Variants in NBAS observed in about 807,000 individuals in gnomAD.
The protein encoded by NBAS is NBAS subunit of NRZ tethering complex, also known as NAG/BC035112 fusion.
NBAS carries 219 observed loss-of-function variants against 302.5 expected under a neutral mutation model. The ratio of observed to expected loss-of-function variants is 0.72; its 90% CI spans 0.65 to 0.81. The LOEUF (loss-of-function observed/expected upper bound fraction) is 0.81, where lower values mean the gene tolerates loss of function less well. Among genes scored for constraint, NBAS ranks in the 30% least tolerant of loss-of-function variants. The pLI is 0.00. For synonymous variants in NBAS, 1,118 were observed against 1,021.6 expected (o/e 1.09, Z -1.80); for missense variants, 2,932 against 2,841.6 (o/e 1.03, Z -0.72).
the NBAS span, among the ~76,000 whole-genome samples, chr2:14,794,549 A>C: frequency 6.6e-6 from 1 of 152,154 alleles, no homozygotes; most frequent in African/African-American, 2.4e-5. Flanking sequence ...CTTATAAATA[A>C]ATGTTTATGT....
At chr2:14,823,896 G>A in the NBAS span, among the ~76,000 whole-genome samples, 5 of 152,100 alleles carry the variant, frequency 3.3e-5, no homozygotes, top group Non-Finnish European at 5.9e-5. Flanking sequence ...TTCCATGGAA[G>A]TTTCAAAATG....
chr2:14,801,983 T>C, the NBAS span, among the ~76,000 whole-genome samples: 11 of 146,902 alleles, frequency 7.5e-5, no homozygotes, highest in East Asian at 2.2e-3. Context: ...GCCTGTTCAC[T>C]CTGATGGTAG....
chr2:15,473,247 T>G lies in NBAS; in HGVS notation c.1700A>C (p.Asn567Thr). ...YQRQWRKSAV[N>T]VASIQNYLSK... ...CAAATAATTCTGAATTGAAGCAACG[T>G]TGACCGCTGACTTCCTCCACTGCCT... Residue 567 changes from asparagine to threonine, a missense_variant, in exon 16 of 52, where the codon AAC (asparagine) becomes ACC (threonine). Asn to Thr is a moderately conservative substitution (Grantham distance 65). Coordinates refer to ENST00000281513, the MANE Select transcript of NBAS (RefSeq NM_015909.4). 1 of 1,614,084 alleles carries G rather than the reference T, an allele frequency of 6.2e-7. No homozygotes were observed. The highest frequency in any genetic ancestry group is 8.5e-7 in the Non-Finnish European group (1 of 1,179,924).
chr2:14,947,033 G>A, the NBAS span, among the ~76,000 whole-genome samples: 1 of 152,082 alleles, frequency 6.6e-6, no homozygotes, highest in Admixed American at 6.5e-5. Context: ...CTAATAGGAA[G>A]TTTATAGCAA....
rs1408848872 is a variant in NBAS, at chr2:15,379,817, G to T, written c.3375C>A (p.Ser1125Arg). 6.2e-7 allele frequency: 1 copy of T among 1,613,904 alleles called. No individual in the cohort carries two copies. Among genetic ancestry groups the T allele is most frequent in the Non-Finnish European group, 8.5e-7 (1 of 1,179,864 alleles). ...TTTCAAGGCGACTAGAGCACAGAAG[G>T]CTTTCTGTAAATATCTGGAAAAAAG... Reference protein sequence around the residue: ...SDACYEIFTESLLCSSRLENI... With the variant: ...SDACYEIFTERLLCSSRLENI... The change falls in exon 30 of 52, where the codon AGC (serine) becomes AGA (arginine). Residue 1125 changes from serine to arginine, a missense_variant. By Grantham distance (110) the Ser-to-Arg change is moderately radical (BLOSUM62 -1). Transcript: ENST00000281513.
At chr2:15,175,725 A>G (rs1664507247) in intron 51 of NBAS, among the ~76,000 whole-genome samples, 1 of 152,198 alleles carries the variant, frequency 6.6e-6, no homozygotes, top group Non-Finnish European at 1.5e-5. Context: ...ATAAAAGGTT[A>G]CACGCACCAG....
chr2:15,025,113 A>G, the NBAS span, among the ~76,000 whole-genome samples: 1 of 152,124 alleles, frequency 6.6e-6, no homozygotes, highest in Non-Finnish European at 1.5e-5. Flanking sequence ...ATTTAGGTAT[A>G]TTTAATCCAT....
downstream of NBAS, among the ~76,000 whole-genome samples, chr2:15,165,044 A>C (rs898558487): frequency 1.3e-5 from 2 of 152,184 alleles, no homozygotes; most frequent in Non-Finnish European, 2.9e-5. Flanking sequence ...TAATCCATAA[A>C]GTCAGGGTGT....
At chr2:14,786,739 C>G in the NBAS span, among the ~76,000 whole-genome samples, 1 of 152,076 alleles carries the variant, frequency 6.6e-6, no homozygotes, top group Non-Finnish European at 1.5e-5. Flanking sequence ...GCTTTACTTC[C>G]AACTATGTGG....
intron 9 of NBAS, among the ~76,000 whole-genome samples, chr2:15,528,651 T>A (rs1663052999): frequency 6.7e-6 from 1 of 149,440 alleles, no homozygotes; most frequent in Non-Finnish European, 1.5e-5. Context: ...GAGGATGACC[T>A]GAGGTCAGGA....
the NBAS span, among the ~76,000 whole-genome samples, chr2:15,128,169 C>T: frequency 6.6e-6 from 1 of 152,150 alleles, no homozygotes; most frequent in Admixed American, 6.5e-5. Flanking sequence ...AAAAAAAGCA[C>T]AACAAGCTGA....
the NBAS span, among the ~76,000 whole-genome samples, chr2:14,899,449 G>A: frequency 6.6e-6 from 1 of 152,186 alleles, no homozygotes; most frequent in Non-Finnish European, 1.5e-5. Flanking sequence ...ATGAAGAAGG[G>A]TTAAATTTGT....
chr2:15,170,221 T>C (rs1481714331), intron 51 of NBAS, among the ~76,000 whole-genome samples: 1 of 152,204 alleles, frequency 6.6e-6, no homozygotes, highest in Non-Finnish European at 1.5e-5. Flanking sequence ...GCTGCTGCTC[T>C]CATTCCCTTC....
At chr2:15,169,511 A>G (rs772865208) in intron 51 of NBAS, among the ~76,000 whole-genome samples, 23 of 152,184 alleles carry the variant, frequency 1.5e-4, no homozygotes, top group Non-Finnish European at 2.9e-4. Context: ...CAGAACCCTG[A>G]GAGGCCCTTG....
intron 6 of NBAS, among the ~76,000 whole-genome samples, chr2:15,548,077 T>C (rs1044353478): frequency 3.9e-5 from 6 of 152,198 alleles, no homozygotes; most frequent in Non-Finnish European, 8.8e-5. Flanking sequence ...CAGTATTATA[T>C]ATAATAAATA....
chr2:15,521,475 G>A (rs1221720435), intron 9 of NBAS, among the ~76,000 whole-genome samples: 2 of 152,116 alleles, frequency 1.3e-5, no homozygotes, highest in African/African-American at 2.4e-5. Context: ...CCAATTATGT[G>A]CCAAGCCCTC....
intron 38 of NBAS, among the ~76,000 whole-genome samples, chr2:15,310,650 TG>T (rs1333303380): frequency 6.6e-6 from 1 of 152,192 alleles, no homozygotes; most frequent in Non-Finnish European, 1.5e-5. Context: ...TAGCTGGGCA[TG>T]GGGGTTCATG....
chr2:14,950,748 G>T, the NBAS span, among the ~76,000 whole-genome samples: 1 of 152,130 alleles, frequency 6.6e-6, no homozygotes, highest in Non-Finnish European at 1.5e-5. Flanking sequence ...GAGAGGCAAA[G>T]GATCACAGAA....
the NBAS span, among the ~76,000 whole-genome samples, chr2:14,794,857 G>T: frequency 6.6e-6 from 1 of 152,072 alleles, no homozygotes; most frequent in South Asian, 2.1e-4. Context: ...TAATTCTATA[G>T]TATGTACCTT....
Sources: allele counts gnomAD v4.1 joint callset (sites outside exome capture counted in the v4.1 genomes callset), GRCh38; gene constraint gnomAD v4.1.1; transcripts MANE v1.5; gene names NCBI Gene and HGNC (gene_info 2026-07-23, HGNC 2026-07-21).